Variants in PTPRO observed in about 807,000 individuals in gnomAD.
The protein encoded by PTPRO is protein tyrosine phosphatase receptor type O.
Under a neutral mutation model 145.2 loss-of-function variants are expected in PTPRO, and 62 were observed. The ratio of observed to expected loss-of-function variants is 0.43; its 90% CI spans 0.35 to 0.53. The LOEUF (loss-of-function observed/expected upper bound fraction) is 0.53. Among genes scored for constraint, PTPRO ranks in the 20% least tolerant of loss-of-function variants. PTPRO has a pLI of 0.01. For missense variants in PTPRO, 1,345 were observed against 1,482.7 expected (o/e 0.91, Z 1.53); for synonymous variants, 565 against 514.7 (o/e 1.10, Z -1.32).
intron 1 of PTPRO, among the ~76,000 whole-genome samples, chr12:15,334,977 T>C (rs1866714185): frequency 6.6e-6 from 1 of 152,100 alleles, no homozygotes; most frequent in South Asian, 2.1e-4. Flanking sequence ...TTGTCACACA[T>C]CATCCTGTCT....
At chr12:15,419,309 A>G (rs1337510256) in intron 1 of PTPRO, among the ~76,000 whole-genome samples, 1 of 151,528 alleles carries the variant, frequency 6.6e-6, no homozygotes. Context: ...TTTCAGACTC[A>G]GGAGTTTTGG....
chr12:15,361,438 C>CAAAAAAA (rs71042244), intron 1 of PTPRO, among the ~76,000 whole-genome samples: 1 of 71,282 alleles, frequency 1.4e-5, no homozygotes, highest in Non-Finnish European at 2.7e-5. Flanking sequence ...GACTCAGTCT[C>CAAAAAAA]AAAAAAAAAA....
intron 1 of PTPRO, among the ~76,000 whole-genome samples, chr12:15,387,728 A>G (rs1939068583): frequency 6.6e-6 from 1 of 152,232 alleles, no homozygotes; most frequent in Non-Finnish European, 1.5e-5. Flanking sequence ...GAATTAAAAA[A>G]CAAATGAGTG....
At chr12:15,403,853 T>C (rs915352063) in intron 1 of PTPRO, among the ~76,000 whole-genome samples, 2 of 152,066 alleles carry the variant, frequency 1.3e-5, no homozygotes, top group Non-Finnish European at 2.9e-5. Flanking sequence ...GTGAGTTTCA[T>C]GAGTACAGAG....
chr12:15,396,288 A>G (rs1013538935), intron 1 of PTPRO, among the ~76,000 whole-genome samples: 11 of 152,182 alleles, frequency 7.2e-5, no homozygotes, highest in African/African-American at 2.7e-4. Context: ...AGGTTTAGTG[A>G]CAAGTGCTGA....
intron 1 of PTPRO, among the ~76,000 whole-genome samples, chr12:15,471,878 C>T (rs1036467506): frequency 6.6e-6 from 1 of 152,144 alleles, no homozygotes; most frequent in African/African-American, 2.4e-5. Context: ...TAATTCTAGC[C>T]AGGTGTCAGA....
chr12:15,568,922 T>C (rs1943971686), intron 18 of PTPRO, among the ~76,000 whole-genome samples: 1 of 152,194 alleles, frequency 6.6e-6, no homozygotes, highest in East Asian at 1.9e-4. Context: ...CTGTTGAAAC[T>C]TACAAAGTTC....
At chr12:15,503,210 A>T (rs905157864) in intron 5 of PTPRO, among the ~76,000 whole-genome samples, 2 of 152,050 alleles carry the variant, frequency 1.3e-5, no homozygotes, top group African/African-American at 4.8e-5. Flanking sequence ...GCCTCTTCTC[A>T]TGAAGGTTCT....
rs956041575 is a variant in PTPRO at position 15,356,381 on chromosome 12, A to AT, written c.75+33587dup. Among the ~76,000 whole-genome samples the AT allele has an allele frequency of 2.0e-5, 3 of 151,890 alleles. No individual in the cohort carries two copies. In the East Asian group the frequency reaches 5.8e-4, roughly 29 times the overall value. On this transcript the variant is annotated intron_variant, in intron 1 of 26. Transcript: ENST00000281171. ...TGCAAAGAAGTCACTCCCAATTCTG[A>AT]TTTTTTTCCCTAGATGCTCTAATAA...
chr12:15,448,323 A>G (rs1009636649), intron 1 of PTPRO, among the ~76,000 whole-genome samples: 34 of 110,860 alleles, frequency 3.1e-4, no homozygotes, highest in African/African-American at 9.9e-4. Context: ...TCTCTATTCT[A>G]TCTTCCTGTT....
chr12:15,502,683 C>T (rs1026826400), intron 5 of PTPRO, among the ~76,000 whole-genome samples: 4 of 152,134 alleles, frequency 2.6e-5, no homozygotes, highest in African/African-American at 9.7e-5. Context: ...ATCTGAGGTT[C>T]ATTCTTTATA....
intron 2 of PTPRO, 128 bp downstream of exon 2, chr12:15,484,375 T>A: frequency 1.0e-6 from 1 of 1,004,948 alleles, no homozygotes; most frequent in East Asian, 2.6e-5. Flanking sequence ...TGACGTAGAT[T>A]CAAAGTTATG....
At chr12:15,382,177 T>TA (rs1491529274) in intron 1 of PTPRO, among the ~76,000 whole-genome samples, 43 of 143,528 alleles carry the variant, frequency 3.0e-4, no homozygotes, top group African/African-American at 1.1e-3. Flanking sequence ...TATATATATA[T>TA]TTATATTTAT....
rs766798171 is a variant in PTPRO, at chr12:15,587,057, C to A, written c.3410+6C>A. 17 of 1,613,916 alleles carry A rather than the reference C, an allele frequency of 1.1e-5. No homozygotes were observed. In the South Asian group the frequency reaches 1.8e-4, roughly 17 times the overall value. On this transcript the variant is annotated splice_donor_region_variant and intron_variant, in intron 24 of 26. Coordinates refer to ENST00000281171, the MANE Select transcript of PTPRO (RefSeq NM_030667.3). ...CCCATGATCATTCACTGCAGGTAAC[C>A]TCATCAACTGCATTTTCTATTAAAT...
In PTPRO at chr12:15,502,111, G is replaced by A. The variant is rs1942234734; in HGVS notation, c.1105+48G>A. 3 of 1,529,228 alleles carry A rather than the reference G, an allele frequency of 2.0e-6. No homozygotes were observed. The South Asian group carries it at 3.4e-5, about 17-fold the overall frequency. The allele number at this position is 1,529,228 out of a possible 1,614,324, so 94.7% of individuals were successfully genotyped here. ...GAAATAAGAACTGATACAAAGGAAG[G>A]GGAATTGAAATGTTTTTAAATTTGA... is the stretch of plus-strand genomic sequence containing the variant. On this transcript the variant is annotated intron_variant, in intron 5 of 26. Coordinates refer to ENST00000281171, the MANE Select transcript of PTPRO (RefSeq NM_030667.3).
chr12:15,418,057 A>T (rs1940031107), intron 1 of PTPRO, among the ~76,000 whole-genome samples: 1 of 151,802 alleles, frequency 6.6e-6, no homozygotes, highest in Non-Finnish European at 1.5e-5. Context: ...TAAATCACCT[A>T]CATCACTAGG....
Position 15,501,863 on chromosome 12 carries a change from G to A in PTPRO, c.905G>A (p.Ser302Asn), listed in dbSNP as rs551302695. ...ACGTCTCAGCCATATTGGTGGGACA[G>A]TGCATCTGCAGCTCCTGAAAGTGAA... ...ETTSQPYWWD[S>N]ASAAPESEDE... The change falls in exon 5 of 27, where the codon AGT (serine) becomes AAT (asparagine). Residue 302 changes from serine to asparagine, a missense_variant. This residue lies in a region of PTPRO where 1,130 missense variants were observed against 1,214.7 expected (regional missense o/e 0.93). Coordinates refer to ENST00000281171, the MANE Select transcript of PTPRO (RefSeq NM_030667.3). 1.2e-6 allele frequency: 2 copies of A among 1,614,106 alleles called. No homozygotes were observed. The highest frequency in any genetic ancestry group is 3.3e-5 in the Admixed American group (2 of 60,026).
Position 15,480,047 on chromosome 12 carries a change from A to G in PTPRO, c.76-3927A>G, listed in dbSNP as rs979380042. ...CTAGGACTAAATGACTGAGGATGAA[A>G]CCAAATATGCCTATATTGCAAGGAT... is the stretch of plus-strand genomic sequence containing the variant. On this transcript the variant is annotated intron_variant, in intron 1 of 26. Transcript: ENST00000281171. 3.3e-5 allele frequency among the ~76,000 whole-genome samples: 5 copies of G among 152,146 alleles called. No individual in the cohort carries two copies. The East Asian group carries it at 9.6e-4, about 29-fold the overall frequency.
At chr12:15,389,216 G>T (rs1192623340) in intron 1 of PTPRO, among the ~76,000 whole-genome samples, 1 of 150,840 alleles carries the variant, frequency 6.6e-6, no homozygotes, top group African/African-American at 2.4e-5. Context: ...CCATTCTCCT[G>T]CCTCAGCCTC....
Sources: gnomAD v4.1 joint callset for allele counts (sites outside exome capture counted in the v4.1 genomes callset) on GRCh38, gnomAD v4.1.1 for gene constraint, gnomAD v4.1.1 regional missense constraint, MANE v1.5 for transcripts, NCBI Gene and HGNC (gene_info 2026-07-23, HGNC 2026-07-21) for gene names.